The following ARID4B variants were observed in gnomAD, a reference collection of about 807,000 sequenced individuals.
The protein encoded by ARID4B is AT-rich interaction domain 4B, also known as AT-rich interactive domain-containing protein 4B.
Under a neutral mutation model 147.5 loss-of-function variants are expected in ARID4B, and 26 were observed. That is an observed-to-expected ratio of 0.18 (90% confidence interval 0.13 to 0.24). ARID4B has a LOEUF of 0.24. Ranked by LOEUF, ARID4B falls within the 10% of genes least tolerant of loss-of-function variation. ARID4B has a pLI of 1.00. For missense variants in ARID4B, 1,179 were observed against 1,511.5 expected, an observed-to-expected ratio of 0.78 and a Z score of 3.65; for synonymous variants, 512 against 507.9, an observed-to-expected ratio of 1.01 and a Z score of -0.11.
Position 235,172,605 on chromosome 1 carries a change from T to C in ARID4B, c.3811+13A>G, listed in dbSNP as rs1288519282. The C allele has an allele frequency of 2.7e-6, 4 of 1,497,820 alleles. No homozygotes were observed. Among genetic ancestry groups the C allele is most frequent in the Non-Finnish European group, 3.6e-6 (4 of 1,118,404 alleles). 92.8% of individuals were successfully genotyped at this position (1,497,820 alleles called of 1,614,324 possible). ...AATAAATAAATAAATAAAAATAAAG[T>C]AAAAATACTTACTTTCTCTCTCTTT... On this transcript the variant is annotated intron_variant, in intron 23 of 23. Transcript: ENST00000264183.
chr1:235,181,710 T>G lies in ARID4B; in HGVS notation c.3209A>C (p.Glu1070Ala), dbSNP rs1558174866. 2 of 1,614,130 alleles carry G rather than the reference T, an allele frequency of 1.2e-6. No individual in the cohort carries two copies. Among genetic ancestry groups the G allele is most frequent in the Non-Finnish European group, 8.5e-7 (1 of 1,180,000 alleles). ...SIKSETDSTI[E>A]VDSVAGELQD... Reference sequence around the variant, plus strand: ...GAGCTCCCCAGCAACACTATCCACCTCAATTGTGCTATCAGTTTCACTCTT... The same window carrying G: ...GAGCTCCCCAGCAACACTATCCACCGCAATTGTGCTATCAGTTTCACTCTT... The change falls in exon 20 of 24, where the codon GAG becomes GCG. Residue 1070 changes from glutamate (E) to alanine (A), a missense_variant. By Grantham distance (107) the Glu-to-Ala change is moderately radical. Transcript: ENST00000264183.
intron 9 of ARID4B, among the ~76,000 whole-genome samples, chr1:235,232,647 G>T (rs1430322826): frequency 1.3e-5 from 2 of 151,566 alleles, no homozygotes; most frequent in East Asian, 3.9e-4. Context: ...CAGAATACTA[G>T]TTACCACACT....
Position 235,213,979 on chromosome 1 carries a change from T to TC in ARID4B, c.1630dup (p.Glu544GlyfsTer12). ...TTCTTCTTCTTCCTCCTCCTCCTCC[T>TC]CTTCTGCTTCTTCATCATCTTCATC... On this transcript the variant is annotated frameshift_variant, in exon 17 of 24. Transcript: ENST00000264183. LOFTEE classifies it high-confidence loss of function. The TC allele has an allele frequency of 6.3e-7, 1 of 1,589,568 alleles. No individual in the cohort carries two copies. Among genetic ancestry groups the TC allele is most frequent in the Non-Finnish European group, 8.6e-7 (1 of 1,157,886 alleles).
intron 2 of ARID4B, among the ~76,000 whole-genome samples, chr1:235,288,882 T>C (rs918179305): frequency 6.6e-6 from 1 of 152,252 alleles, no homozygotes; most frequent in Non-Finnish European, 1.5e-5. Context: ...TGTTCTATTT[T>C]CAACCAAAAC....
At position 235,257,263 on chromosome 1, in the gene ARID4B, C is replaced by T. The variant is rs746142121; in HGVS notation, c.118-38G>A. 78 of 1,382,286 alleles carry T rather than the reference C, an allele frequency of 5.6e-5. 2 individuals carry two copies. In the Middle Eastern group the frequency reaches 4.2e-3, roughly 75 times the overall value. The allele number at this position is 1,382,286 out of a possible 1,614,324, so 85.6% of individuals were successfully genotyped here. On this transcript the variant is annotated intron_variant, in intron 3 of 23. Transcript: ENST00000264183. ...AGTTTAATTAGCCACCAAAAATAAA[C>T]CAAGCAACACAAGCTCATCAATGCA...
Position 235,168,452 on chromosome 1 carries a change from G to T in ARID4B, c.*73C>A. ...TAGTGCTTGTCTGATATTTTTTTGT[G>T]CCACTGTGCAGTATAAAAAAAAAGT... On this transcript the variant is annotated 3_prime_UTR_variant, in exon 24 of 24. Transcript: ENST00000264183. The T allele has an allele frequency of 6.9e-7, 1 of 1,449,610 alleles. No individual in the cohort carries two copies. Among genetic ancestry groups the T allele is most frequent in the South Asian group, 1.5e-5 (1 of 67,082 alleles). The allele number at this position is 1,449,610 out of a possible 1,614,324, so 89.8% of individuals were successfully genotyped here.
Position 235,175,383 on chromosome 1 carries a change from A to G in ARID4B, c.3465T>C (p.Ser1155=). The change falls in exon 22 of 24, where the codon AGT becomes AGC. Residue 1155 remains serine (S), a synonymous_variant. Coordinates refer to ENST00000264183, the MANE Select transcript of ARID4B (RefSeq NM_016374.6). ...TACTTTCACCAGCTGAAAGTTCTTC[A>G]CTATCACTACTATTTGCTGAAAGAG... The part of the protein sequence containing the change: ...KKGKGTNSSD[S]EELSAGESIT... The G allele has an allele frequency of 6.2e-7, 1 of 1,611,724 alleles. No individual in the cohort carries two copies. The highest frequency in any genetic ancestry group is 2.2e-5 in the East Asian group (1 of 44,858).
intron 8 of ARID4B, among the ~76,000 whole-genome samples, chr1:235,236,833 A>AATATATAT (rs1553299956): frequency 3.9e-4 from 13 of 33,516 alleles, no homozygotes; most frequent in Admixed American, 5.3e-4. Flanking sequence ...TTTTATAAAA[A>AATATATAT]ATATATATAT....
In ARID4B at chr1:235,327,032, G is replaced by A. The variant is rs560422573; in HGVS notation, c.-49-64C>T. 7.3e-5 allele frequency: 86 copies of A among 1,181,858 alleles called. No homozygotes were observed. In the African/African-American group the frequency reaches 1.1e-3, roughly 15 times the overall value. The allele number at this position is 1,181,858 out of a possible 1,614,324, so 73.2% of individuals were successfully genotyped here. A position where few individuals can be genotyped will look rare whatever the true frequency, so the allele number is the denominator to read the frequency against. On this transcript the variant is annotated intron_variant, in intron 1 of 23. Coordinates refer to ENST00000264183, the MANE Select transcript of ARID4B (RefSeq NM_016374.6). Reference sequence around the variant, plus strand: ...GAGCCCCTCTGCACTGGCGGAGGCGGAGGGAAAGAAGCGAGCGACGTCCGA... The same window carrying A: ...GAGCCCCTCTGCACTGGCGGAGGCGAAGGGAAAGAAGCGAGCGACGTCCGA...
At chr1:235,231,240 T>G in intron 9 of ARID4B, 51 bp from the exon 10 acceptor site, 1 of 943,380 alleles carries the variant, frequency 1.1e-6, no homozygotes, top group Non-Finnish European at 1.6e-6. Flanking sequence ...AAAATATGAC[T>G]GAGATTAATT....
intron 4 of ARID4B, 44 bp from the exon 5 acceptor site, chr1:235,255,794 A>G: frequency 7.1e-7 from 1 of 1,413,406 alleles, no homozygotes; most frequent in South Asian, 1.2e-5. Flanking sequence ...TAAAAGGTAA[A>G]TTAACAAACC....
chr1:235,216,310 T>C (rs1667072142), intron 16 of ARID4B, among the ~76,000 whole-genome samples: 1 of 149,206 alleles, frequency 6.7e-6, no homozygotes, highest in South Asian at 2.1e-4. Flanking sequence ...TATATATGTA[T>C]ACACACACAC....
chr1:235,234,153 T>C (rs1481343176), intron 9 of ARID4B, among the ~76,000 whole-genome samples: 1 of 152,206 alleles, frequency 6.6e-6, no homozygotes, highest in Non-Finnish European at 1.5e-5. Flanking sequence ...CCAGCTATTA[T>C]GTGGACAAGT....
intron 19 of ARID4B, among the ~76,000 whole-genome samples, chr1:235,192,088 A>C (rs183794078): frequency 6.6e-6 from 1 of 152,268 alleles, no homozygotes; most frequent in East Asian, 1.9e-4. Flanking sequence ...AAAACAAAAC[A>C]AAAAAACACC....
intron 5 of ARID4B, among the ~76,000 whole-genome samples, chr1:235,254,786 A>G (rs1669847176): frequency 6.6e-6 from 1 of 152,036 alleles, no homozygotes; most frequent in Non-Finnish European, 1.5e-5. Context: ...AAAACGGAGA[A>G]AACACAAATG....
chr1:235,198,882 C>A (rs985798359), intron 17 of ARID4B, among the ~76,000 whole-genome samples: 8 of 152,142 alleles, frequency 5.3e-5, no homozygotes, highest in Non-Finnish European at 1.2e-4. Context: ...GACAGATCAC[C>A]TGAGGTCAGG....
At chr1:235,230,720 G>A (rs1233555321) in intron 10 of ARID4B, among the ~76,000 whole-genome samples, 1 of 151,568 alleles carries the variant, frequency 6.6e-6, no homozygotes. Context: ...TCAGGAGTTC[G>A]AGACCGGCCT....
intron 22 of ARID4B, among the ~76,000 whole-genome samples, chr1:235,173,742 TAA>T (rs755815257): frequency 1.5e-3 from 40 of 26,242 alleles, no homozygotes; most frequent in East Asian, 3.3e-3. Context: ...CGTCTCTATT[TAA>T]AAAAAAAAAA....
chr1:235,217,035 A>G (rs1667137974), intron 16 of ARID4B, among the ~76,000 whole-genome samples: 1 of 152,182 alleles, frequency 6.6e-6, no homozygotes, highest in Non-Finnish European at 1.5e-5. Context: ...TCTAAATGCC[A>G]ACAGCAAGCA....
Sources: gnomAD v4.1 joint callset for allele counts (sites outside exome capture counted in the v4.1 genomes callset) on GRCh38, gnomAD v4.1.1 for gene constraint, MANE v1.5 for transcripts, NCBI Gene and HGNC (gene_info 2026-07-23, HGNC 2026-07-21) for gene names.